GFOD1: variants seen among roughly 807,000 people sequenced by gnomAD.
GFOD1 encodes Gfo/Idh/MocA-like oxidoreductase domain containing 1, also known as glucose-fructose oxidoreductase domain-containing protein 1.
GFOD1 carries 9 observed loss-of-function variants against 25.4 expected under a neutral mutation model. The observed-to-expected ratio is 0.35, with a 90% CI of 0.21 to 0.62. The LOEUF is 0.62. Ranked by LOEUF, GFOD1 falls within the 20% of genes least tolerant of loss-of-function variation. The pLI is 0.72. For missense variants in GFOD1, 403 were observed against 556.9 expected, an observed-to-expected ratio of 0.72 and a Z score of 2.78; for synonymous variants, 253 against 245.6, an observed-to-expected ratio of 1.03 and a Z score of -0.28.
chr6:13,438,011 T>C (rs966225419), intron 1 of GFOD1, among the ~76,000 whole-genome samples: 4 of 152,220 alleles, frequency 2.6e-5, no homozygotes, highest in African/African-American at 9.6e-5. Flanking sequence ...GTGGTTAGCA[T>C]TCAGTGCACA....
intron 1 of GFOD1, among the ~76,000 whole-genome samples, chr6:13,375,089 T>C (rs891012973): frequency 6.6e-6 from 1 of 152,160 alleles, no homozygotes; most frequent in African/African-American, 2.4e-5. Flanking sequence ...GAACATTCAG[T>C]ATTCTCCTTA....
intron 1 of GFOD1, among the ~76,000 whole-genome samples, chr6:13,380,574 GGC>G (rs1259198559): frequency 2.6e-5 from 4 of 152,136 alleles, no homozygotes; most frequent in African/African-American, 9.7e-5. Flanking sequence ...GACTTGTGTT[GGC>G]ATTGCTGGCT....
intron 1 of GFOD1, among the ~76,000 whole-genome samples, chr6:13,391,412 C>T (rs1017123735): frequency 6.7e-6 from 1 of 149,574 alleles, no homozygotes; most frequent in Admixed American, 6.7e-5. Flanking sequence ...GCAGGAGAAT[C>T]GCTTGAACCT....
chr6:13,469,891 G>A, intron 1 of GFOD1: 1 of 1,272,090 alleles, frequency 7.9e-7, no homozygotes, highest in Non-Finnish European at 1.0e-6. Flanking sequence ...ACCAAATCTG[G>A]CACATGGTAA....
At chr6:13,479,249 G>C (rs1758696421) in intron 1 of GFOD1, among the ~76,000 whole-genome samples, 1 of 152,152 alleles carries the variant, frequency 6.6e-6, no homozygotes, top group South Asian at 2.1e-4. Flanking sequence ...AAAAACTACT[G>C]TTTATTGAGC....
At chr6:13,481,804 C>T (rs1758757738) in intron 1 of GFOD1, among the ~76,000 whole-genome samples, 1 of 152,162 alleles carries the variant, frequency 6.6e-6, no homozygotes, top group Non-Finnish European at 1.5e-5. Flanking sequence ...GTTAATTAGG[C>T]AATATCTTTG....
chr6:13,413,905 A>T (rs1786121041), intron 1 of GFOD1, among the ~76,000 whole-genome samples: 1 of 152,202 alleles, frequency 6.6e-6, no homozygotes, highest in African/African-American at 2.4e-5. Flanking sequence ...CAGCACAGAG[A>T]TGCCTGATAT....
intron 1 of GFOD1, among the ~76,000 whole-genome samples, chr6:13,390,600 G>GC (rs1785570125): frequency 6.9e-6 from 1 of 145,980 alleles, no homozygotes; most frequent in South Asian, 2.2e-4. Context: ...GGTGGTGCAT[G>GC]CCTGTAGTCC....
At position 13,487,153 on chromosome 6, in the gene GFOD1, C is replaced by A. The variant is rs1214289390; in HGVS notation, c.-263G>T. ...CCTTCCCGGAGTCGGCGGCAGGGAC[C>A]CCCCCAGGGCGCCGGAGGCTTCGAA... On this transcript the variant is annotated 5_prime_UTR_variant, in exon 1 of 2. Transcript: ENST00000379287. This position sits in a 1 kb window ranked among gnomAD's most constrained non-coding sequence, Gnocchi z 4.9. 7 of 432,698 alleles carry A rather than the reference C, an allele frequency of 1.6e-5. No homozygotes were observed. Among genetic ancestry groups the A allele is most frequent in the African/African-American group, 1.3e-4 (6 of 47,940 alleles). 26.8% of individuals were successfully genotyped at this position (432,698 alleles called of 1,614,324 possible). A position where few individuals can be genotyped will look rare whatever the true frequency, so the allele number is the denominator to read the frequency against.
At chr6:13,422,319 A>G (rs1038554193) in intron 1 of GFOD1, among the ~76,000 whole-genome samples, 2 of 152,184 alleles carry the variant, frequency 1.3e-5, no homozygotes, top group Non-Finnish European at 1.5e-5. Flanking sequence ...CTCAGGAGAG[A>G]AAATCTGACT....
intron 1 of GFOD1, among the ~76,000 whole-genome samples, chr6:13,432,581 C>T (rs543177122): frequency 2.0e-5 from 3 of 152,234 alleles, no homozygotes; most frequent in Non-Finnish European, 4.4e-5. Flanking sequence ...CCTATTTCCA[C>T]GTCAGCCAAA....
intron 1 of GFOD1, among the ~76,000 whole-genome samples, chr6:13,442,095 G>A (rs1441417228): frequency 6.6e-6 from 1 of 152,206 alleles, no homozygotes; most frequent in Non-Finnish European, 1.5e-5. Context: ...CACGGAGAGA[G>A]CATGCAAACT....
chr6:13,440,319 G>A (rs1292218399), intron 1 of GFOD1, among the ~76,000 whole-genome samples: 1 of 152,090 alleles, frequency 6.6e-6, no homozygotes, highest in African/African-American at 2.4e-5. Context: ...CTCCCAAGCA[G>A]CTGGGATTAT....
At chr6:13,482,298 TA>T (rs1266015810) in intron 1 of GFOD1, among the ~76,000 whole-genome samples, 3 of 148,660 alleles carry the variant, frequency 2.0e-5, no homozygotes, top group Non-Finnish European at 3.0e-5. Context: ...TATTACTATA[TA>T]AAATTTATGT....
At chr6:13,486,127 A>C (rs1758859804) in intron 1 of GFOD1, 1 of 987,290 alleles carries the variant, frequency 1.0e-6, no homozygotes, top group Admixed American at 6.0e-5. Context: ...GCTGAAGGGC[A>C]GGTCCTCTAT....
In GFOD1 at chr6:13,364,446, G is replaced by A. The variant is rs1784999404; in HGVS notation, c.*297C>T. ...AAGCAACCCCTCCTTGCTTGTCACA[G>A]TAAAGGGCAGCAGAGGCAGCTAAAC... On this transcript the variant is annotated 3_prime_UTR_variant, in exon 2 of 2. Coordinates refer to ENST00000379287, the MANE Select transcript of GFOD1 (RefSeq NM_018988.4). This position sits in a 1 kb window ranked among gnomAD's most constrained non-coding sequence, Gnocchi z 4.1. 5.0e-6 allele frequency: 2 copies of A among 398,694 alleles called. No homozygotes were observed. The highest frequency in any genetic ancestry group is 9.2e-6 in the Non-Finnish European group (2 of 218,304). 24.7% of individuals were successfully genotyped at this position (398,694 alleles called of 1,614,324 possible).
chr6:13,394,913 G>A (rs1005295999), intron 1 of GFOD1, among the ~76,000 whole-genome samples: 7 of 151,986 alleles, frequency 4.6e-5, no homozygotes, highest in South Asian at 4.2e-4. Context: ...GATTACAGGC[G>A]TGAGCCACCA....
At chr6:13,405,434 C>T (rs494026) in intron 1 of GFOD1, among the ~76,000 whole-genome samples, 100,344 of 152,130 alleles carry the variant, frequency 0.66, 35,374 homozygotes, top group South Asian at 0.83. Context: ...CTCTTTCAAA[C>T]GAAGTATTTG....
In GFOD1 at chr6:13,420,106, T is replaced by C. The variant is rs550449162; in HGVS notation, c.254-54444A>G. 3.3e-5 allele frequency among the ~76,000 whole-genome samples: 5 copies of C among 151,934 alleles called. No individual in the cohort carries two copies. In the South Asian group the frequency reaches 1.0e-3, roughly 32 times the overall value. ...TGGCCAGCACAGAGAAGGGGCTCAG[T>C]CCATACCTTCTGGCTCGCATGGGAT... On this transcript the variant is annotated intron_variant, in intron 1 of 1. Transcript: ENST00000379287.
Sources: allele counts gnomAD v4.1 joint callset (sites outside exome capture counted in the v4.1 genomes callset), GRCh38; gene constraint gnomAD v4.1.1; non-coding constraint Gnocchi (gnomAD v3.1); transcripts MANE v1.5; gene names NCBI Gene and HGNC (gene_info 2026-07-23, HGNC 2026-07-21).